Variants in NBEA observed in about 807,000 individuals in gnomAD.
The protein encoded by NBEA is lysosomal-trafficking regulator 2.
A neutral mutation model predicts 343.4 loss-of-function variants in NBEA; 44 were observed. The ratio of observed to expected loss-of-function variants is 0.13; its 90% CI spans 0.10 to 0.16. The LOEUF is 0.16. Among genes scored for constraint, NBEA ranks in the 10% least tolerant of loss-of-function variants. The pLI is 1.00. For missense variants in NBEA, 2,555 were observed against 3,631.3 expected, an observed-to-expected ratio of 0.70 and a Z score of 7.62; for synonymous variants, 1,175 against 1,238.7, an observed-to-expected ratio of 0.95 and a Z score of 1.08.
In NBEA at chr13:35,347,968, A is replaced by G. The variant is rs192049551; in HGVS notation, c.5904-1140A>G. Among the ~76,000 whole-genome samples the G allele has an allele frequency of 2.0e-3, 307 of 152,244 alleles. 1 individual carries two copies. The highest frequency in any genetic ancestry group is 6.8e-3 in the African/African-American group (283 of 41,562). Reference sequence around the variant, plus strand: ...AGACTCCAGAAGAGAGAGTTCAAAAAAAATCAAAAGCTGCCTGGCATCTTA... The same window carrying G: ...AGACTCCAGAAGAGAGAGTTCAAAAGAAATCAAAAGCTGCCTGGCATCTTA... On this transcript the variant is annotated intron_variant, in intron 36 of 58. Transcript: ENST00000379939.
At chr13:35,267,512 A>T (rs1396405830) in intron 34 of NBEA, among the ~76,000 whole-genome samples, 2 of 152,022 alleles carry the variant, frequency 1.3e-5, no homozygotes, top group Non-Finnish European at 1.5e-5. Flanking sequence ...ATTAGATGTC[A>T]TAATAATTTT....
Position 35,070,813 on chromosome 13 carries a change from A to G in NBEA, c.1532A>G (p.Asn511Ser). 6.2e-7 allele frequency: 1 copy of G among 1,610,422 alleles called. No homozygotes were observed. The highest frequency in any genetic ancestry group is 8.5e-7 in the Non-Finnish European group (1 of 1,178,854). The change falls in exon 10 of 59, where the codon AAT becomes AGT. Residue 511 changes from asparagine (N) to serine (S), a missense_variant. Asn to Ser is a conservative substitution (Grantham distance 46). Transcript: ENST00000379939. ...TTTCCACTTTTTGCCCAATTGGATA[A>G]TAGGCAGCTCAATGACAGTCAAGTG... Reference protein sequence around the residue: ...VLFPLFAQLDNRQLNDSQVET... With the variant: ...VLFPLFAQLDSRQLNDSQVET...
intron 1 of NBEA, among the ~76,000 whole-genome samples, chr13:35,008,166 G>A (rs570377043): frequency 3.4e-4 from 52 of 152,064 alleles, no homozygotes; most frequent in Admixed American, 2.6e-3. Flanking sequence ...TACCTATATC[G>A]GTTTTTGTTT....
chr13:35,514,414 C>T (rs898856790), intron 41 of NBEA, among the ~76,000 whole-genome samples: 4 of 152,034 alleles, frequency 2.6e-5, no homozygotes, highest in African/African-American at 4.8e-5. Flanking sequence ...TACTGCACGC[C>T]GACCAGCTTG....
chr13:35,151,293 C>G (rs1190083325), intron 18 of NBEA, among the ~76,000 whole-genome samples: 2 of 151,638 alleles, frequency 1.3e-5, no homozygotes, highest in Non-Finnish European at 2.9e-5. Context: ...CCTATAATCC[C>G]AGCACTTTGG....
Position 34,947,223 on chromosome 13 carries a change from G to T in NBEA, c.294+4109G>T, listed in dbSNP as rs566588956. 5.3e-5 allele frequency among the ~76,000 whole-genome samples: 8 copies of T among 152,130 alleles called. No homozygotes were observed. The East Asian group carries it at 1.5e-3, about 29-fold the overall frequency. On this transcript the variant is annotated intron_variant, in intron 1 of 58. Coordinates refer to ENST00000379939, the MANE Select transcript of NBEA (RefSeq NM_001385012.1). The stretch of plus-strand genomic sequence containing the variant: ...TTAAGGAGTTTTGAGATTTTCCTTA[G>T]AAATATTAATTTAGTCACATAATGA...
rs548025503 is a variant in NBEA, at chr13:35,404,154, G to A, written c.6180-28115G>A. On this transcript the variant is annotated intron_variant, in intron 38 of 58. Coordinates refer to ENST00000379939, the MANE Select transcript of NBEA (RefSeq NM_001385012.1). ...ATAGGAACACTTTTACACTGTTGGT[G>A]GGACTGTAAACTAGTTCAACCATTG... Among the ~76,000 whole-genome samples, 11 of 152,216 alleles carry A rather than the reference G, an allele frequency of 7.2e-5. No individual in the cohort carries two copies. The South Asian group carries it at 1.0e-3, about 14-fold the overall frequency.
intron 34 of NBEA, among the ~76,000 whole-genome samples, chr13:35,247,361 G>A (rs1007025080): frequency 3.9e-5 from 6 of 152,094 alleles, no homozygotes; most frequent in Admixed American, 2.0e-4. Flanking sequence ...TCTCCCTGTA[G>A]TCTTTTCCCA....
chr13:35,225,702 T>C (rs2074615631), intron 33 of NBEA, among the ~76,000 whole-genome samples: 1 of 152,126 alleles, frequency 6.6e-6, no homozygotes, highest in African/African-American at 2.4e-5. Context: ...GATTTTTTTC[T>C]TGCCAGCTTA....
rs576264094 is a variant in NBEA at position 35,266,953 on chromosome 13, A to G, written c.5777-23436A>G. 1.6e-3 allele frequency among the ~76,000 whole-genome samples: 244 copies of G among 151,612 alleles called. 1 individual carries two copies. The highest frequency in any genetic ancestry group is 2.5e-3 in the Non-Finnish European group (166 of 67,604). ...CATAAAGTAAATTAACACATTTTATATGTTAATATGTACTGTATTGTTAAG... is the reference window on the plus strand; with the variant it reads ...CATAAAGTAAATTAACACATTTTATGTGTTAATATGTACTGTATTGTTAAG... On this transcript the variant is annotated intron_variant, in intron 34 of 58. Coordinates refer to ENST00000379939, the MANE Select transcript of NBEA (RefSeq NM_001385012.1).
chr13:35,163,309 A>G (rs1031461138), intron 23 of NBEA, among the ~76,000 whole-genome samples: 2 of 152,152 alleles, frequency 1.3e-5, no homozygotes, highest in Admixed American at 1.3e-4. Flanking sequence ...TATTGACTCA[A>G]TTTTGACCAT....
At chr13:35,589,415 G>A (rs2081426889) in intron 46 of NBEA, among the ~76,000 whole-genome samples, 1 of 152,098 alleles carries the variant, frequency 6.6e-6, no homozygotes, top group East Asian at 1.9e-4. Flanking sequence ...CTTTGTAGCT[G>A]TTATTTCCCT....
intron 49 of NBEA, among the ~76,000 whole-genome samples, chr13:35,641,893 TTTATC>T (rs1363866928): frequency 2.0e-5 from 3 of 152,102 alleles, no homozygotes; most frequent in Non-Finnish European, 4.4e-5. Context: ...CTTATACACT[TTTATC>T]TTAAACCTTA....
At chr13:35,249,476 C>T (rs1050087387) in intron 34 of NBEA, among the ~76,000 whole-genome samples, 4 of 151,878 alleles carry the variant, frequency 2.6e-5, no homozygotes, top group African/African-American at 9.7e-5. Flanking sequence ...AAGAAGAAAC[C>T]TTACACTCAT....
intron 38 of NBEA, among the ~76,000 whole-genome samples, chr13:35,388,666 A>G (rs1168028648): frequency 6.6e-6 from 1 of 152,156 alleles, no homozygotes; most frequent in Non-Finnish European, 1.5e-5. Context: ...AAGGGTTTGG[A>G]TAAAGGTCAT....
intron 18 of NBEA, among the ~76,000 whole-genome samples, chr13:35,143,474 T>C (rs2068209036): frequency 1.3e-5 from 2 of 151,840 alleles, no homozygotes; most frequent in African/African-American, 4.8e-5. Flanking sequence ...TACAGCAGAG[T>C]GTAGATTATT....
chr13:35,464,394 C>T (rs1489115546), intron 40 of NBEA, among the ~76,000 whole-genome samples: 6 of 152,184 alleles, frequency 3.9e-5, no homozygotes, highest in South Asian at 2.1e-4. Context: ...ACAATGCTCT[C>T]GAAGACCACA....
Position 35,114,300 on chromosome 13 carries a change from T to C in NBEA, c.2003-3114T>C, listed in dbSNP as rs529200077. ...CAAAGCCACATGGCTCAACCTAGCC[T>C]CAAACTTTTTAAATTTGCCGCTTTC... On this transcript the variant is annotated intron_variant, in intron 13 of 58. Transcript: ENST00000379939. Among the ~76,000 whole-genome samples the C allele has an allele frequency of 2.0e-5, 3 of 152,324 alleles. No individual in the cohort carries two copies. The East Asian group carries it at 5.8e-4, about 29-fold the overall frequency.
intron 39 of NBEA, among the ~76,000 whole-genome samples, chr13:35,445,537 GCAAAT>G (rs2045957247): frequency 6.6e-6 from 1 of 151,346 alleles, no homozygotes; most frequent in African/African-American, 2.4e-5. Flanking sequence ...CTTATGAATG[GCAAAT>G]CAAATAGTCC....
Sources: allele counts gnomAD v4.1 joint callset (sites outside exome capture counted in the v4.1 genomes callset), GRCh38; gene constraint gnomAD v4.1.1; transcripts MANE v1.5; gene names NCBI Gene and HGNC (gene_info 2026-07-23, HGNC 2026-07-21).